Variants in AR observed in about 807,000 individuals in gnomAD.
AR encodes dihydrotestosterone receptor.
A neutral mutation model predicts 53.9 loss-of-function variants in AR; 8 were observed. The observed-to-expected ratio is 0.15, with a 90% CI of 0.09 to 0.27. The LOEUF is 0.27. Among genes scored for constraint, AR ranks in the 10% least tolerant of loss-of-function variants. AR has a pLI of 1.00. For synonymous variants in AR, 359 were observed against 316.4 expected, an observed-to-expected ratio of 1.13 and a Z score of -1.43; for missense variants, 639 against 742.5, an observed-to-expected ratio of 0.86 and a Z score of 1.62.
chrX:67,721,909 C>G lies in AR; in HGVS notation c.2395C>G (p.Gln799Glu), dbSNP rs137852591. The G allele has an allele frequency of 1.5e-3, 1,803 of 1,209,115 alleles. 2 individuals carry two copies. The highest frequency in any genetic ancestry group is 1.7e-3 in the Non-Finnish European group (1,564 of 894,949). ...CCTCTCTCAAGAGTTTGGATGGCTC[C>G]AAATCACCCCCCAGGAATTCCTGTG... ...RHLSQEFGWLQITPQEFLCMK... is the reference protein window; with the variant it reads ...RHLSQEFGWLEITPQEFLCMK... Residue 799 changes from glutamine to glutamate, a missense_variant, in exon 6 of 8, where the codon CAA becomes GAA. Around this residue, in one of 5 missense-constraint regions of AR, gnomAD observed 95 missense variants for 196.4 expected, o/e 0.48. Coordinates refer to ENST00000374690, the MANE Select transcript of AR (RefSeq NM_000044.6).
intron 1 of AR, among the ~76,000 whole-genome samples, chrX:67,619,628 C>T (rs1281845932): frequency 9.0e-6 from 1 of 110,826 alleles, no homozygotes; most frequent in Non-Finnish European, 1.9e-5. Flanking sequence ...GGTTTCTGGA[C>T]CTCAGTTATT....
At chrX:67,590,086 T>C (rs2147364585) in intron 1 of AR, among the ~76,000 whole-genome samples, 1 of 111,155 alleles carries the variant, frequency 9.0e-6, no homozygotes, top group South Asian at 3.9e-4. Context: ...CTGGTTTTAT[T>C]TTTTTTTCAT....
Position 67,686,133 on chromosome X carries a change from T to C in AR, c.1885+7T>C. 8.3e-7 allele frequency: 1 copy of C among 1,201,455 alleles called. No homozygotes were observed. The highest frequency in any genetic ancestry group is 1.8e-5 in the South Asian group (1 of 56,499). ...GCAGGGATGACTCTGGGAGGTAAGATACTTTTCTTTCTCTTCCTCCTCCTT... is the reference window on the plus strand; with the variant it reads ...GCAGGGATGACTCTGGGAGGTAAGACACTTTTCTTTCTCTTCCTCCTCCTT... On this transcript the variant is annotated splice_region_variant and intron_variant, in intron 3 of 7. Coordinates refer to ENST00000374690, the MANE Select transcript of AR (RefSeq NM_000044.6).
chrX:67,632,391 G>A (rs1246253644), intron 1 of AR, among the ~76,000 whole-genome samples: 1 of 112,057 alleles, frequency 8.9e-6, no homozygotes, highest in African/African-American at 3.2e-5. Context: ...GGGTGGGAGT[G>A]ACCCAATTTT....
intron 2 of AR, among the ~76,000 whole-genome samples, chrX:67,682,640 T>C (rs2075942272): frequency 9.0e-6 from 1 of 111,315 alleles, no homozygotes; most frequent in Non-Finnish European, 1.9e-5. Flanking sequence ...GAGTGATTAT[T>C]GTTACTGTTA....
chrX:67,626,610 T>A (rs1163550644), intron 1 of AR, among the ~76,000 whole-genome samples: 3 of 85,150 alleles, frequency 3.5e-5, no homozygotes, highest in South Asian at 6.3e-4. Context: ...CCGACTAATT[T>A]TATATATATA....
intron 4 of AR, among the ~76,000 whole-genome samples, chrX:67,716,790 G>A (rs774206259): frequency 8.9e-5 from 10 of 112,003 alleles, no homozygotes; most frequent in South Asian, 3.8e-4. Context: ...AAACCAGATC[G>A]TAGCTGGAAA....
At position 67,631,976 on chromosome X, in the gene AR, TGAG is replaced by T. The variant is rs768974887; in HGVS notation, c.1617-11275_1617-11273del. Among the ~76,000 whole-genome samples, 404 of 113,339 alleles carry T rather than the reference TGAG, an allele frequency of 3.6e-3. 1 individual carries two copies. Among genetic ancestry groups the T allele is most frequent in the South Asian group, 0.013 (36 of 2,791 alleles). ...AGGGGTCAGGGGTCAGGGACCCACT[TGAG>T]GAGGCAGTCTGCCCATTCTCAGATC... On this transcript the variant is annotated intron_variant, in intron 1 of 7. Coordinates refer to ENST00000374690, the MANE Select transcript of AR (RefSeq NM_000044.6).
At chrX:67,702,522 T>C (rs1216443050) in intron 3 of AR, among the ~76,000 whole-genome samples, 1 of 112,276 alleles carries the variant, frequency 8.9e-6, no homozygotes, top group East Asian at 2.8e-4. Context: ...GCAGTGGCTA[T>C]GCATATCTCC....
At chrX:67,723,626 G>A (rs2147539734) in intron 7 of AR, 60 bp from the exon 8 acceptor site, 1 of 1,173,514 alleles carries the variant, frequency 8.5e-7, no homozygotes, top group Non-Finnish European at 1.2e-6. Context: ...TTGGGGAAGA[G>A]GCTAGCAGAG....
intron 3 of AR, among the ~76,000 whole-genome samples, chrX:67,705,415 A>T (rs929458428): frequency 1.8e-5 from 2 of 111,366 alleles, no homozygotes; most frequent in African/African-American, 6.5e-5. Context: ...GCAGTTGTGA[A>T]TGGGAGTTCA....
At chrX:67,667,449 G>T (rs775873447) in intron 2 of AR, among the ~76,000 whole-genome samples, 3 of 111,399 alleles carry the variant, frequency 2.7e-5, no homozygotes, top group South Asian at 7.5e-4. Context: ...TGTTGTTTTG[G>T]TTGCAAAAGC....
At chrX:67,635,844 C>G (rs913301531) in intron 1 of AR, among the ~76,000 whole-genome samples, 2 of 111,338 alleles carry the variant, frequency 1.8e-5, no homozygotes, top group Non-Finnish European at 3.8e-5. Flanking sequence ...GTGTAACCCT[C>G]GGGAGGTAAG....
chrX:67,550,202 A>G (rs1231945967), intron 1 of AR, among the ~76,000 whole-genome samples: 1 of 111,764 alleles, frequency 8.9e-6, no homozygotes, highest in Non-Finnish European at 1.9e-5. Context: ...CTGGTGAGAG[A>G]TATTTTCAAA....
At chrX:67,682,370 G>T (rs1237516661) in intron 2 of AR, among the ~76,000 whole-genome samples, 1 of 111,079 alleles carries the variant, frequency 9.0e-6, no homozygotes, top group African/African-American at 3.3e-5. Flanking sequence ...CTTCAGCCAC[G>T]ACCTCCCAGG....
At position 67,546,199 on chromosome X, in the gene AR, A is replaced by G. The variant is rs1929727564; in HGVS notation, c.1053A>G (p.Gly351=). ...LPSTLSLYKS[G]ALDEAAAYQS... is the part of the protein sequence containing the mutation. ...CTACCCTGTCTCTCTACAAGTCCGGAGCACTGGACGAGGCAGCTGCGTACC... is the reference window on the plus strand; with the variant it reads ...CTACCCTGTCTCTCTACAAGTCCGGGGCACTGGACGAGGCAGCTGCGTACC... The change falls in exon 1 of 8, where the codon GGA becomes GGG. Residue 351 remains glycine, a synonymous_variant. Coordinates refer to ENST00000374690, the MANE Select transcript of AR (RefSeq NM_000044.6). 8.3e-7 allele frequency: 1 copy of G among 1,210,638 alleles called. No homozygotes were observed. Among genetic ancestry groups the G allele is most frequent in the Non-Finnish European group, 1.1e-6 (1 of 895,238 alleles).
intron 1 of AR, among the ~76,000 whole-genome samples, chrX:67,583,887 T>C (rs1922403174): frequency 9.0e-6 from 1 of 111,644 alleles, no homozygotes; most frequent in African/African-American, 3.3e-5. Flanking sequence ...CCCTAGAAAA[T>C]CCTGGTGAAG....
intron 3 of AR, among the ~76,000 whole-genome samples, chrX:67,709,268 T>C (rs1433244127): frequency 8.9e-6 from 1 of 112,099 alleles, no homozygotes; most frequent in Admixed American, 9.4e-5. Flanking sequence ...CAGGCCTCCT[T>C]GAGTTGCGGT....
At chrX:67,625,257 G>A (rs1262493296) in intron 1 of AR, among the ~76,000 whole-genome samples, 2 of 111,251 alleles carry the variant, frequency 1.8e-5, no homozygotes, top group African/African-American at 6.5e-5. Flanking sequence ...ACTGTGGAAA[G>A]TAATTAAAAA....
Sources: gnomAD v4.1 joint callset for allele counts (sites outside exome capture counted in the v4.1 genomes callset) on GRCh38, gnomAD v4.1.1 for gene constraint, gnomAD v4.1.1 regional missense constraint, MANE v1.5 for transcripts, NCBI Gene and HGNC (gene_info 2026-07-23, HGNC 2026-07-21) for gene names.